The following CLSTN2 variants were observed in gnomAD, a reference collection of about 807,000 sequenced individuals.
CLSTN2 encodes calsyntenin-2.
Under a neutral mutation model 101.2 loss-of-function variants are expected in CLSTN2, and 48 were observed. The ratio of observed to expected loss-of-function variants is 0.47; its 90% CI spans 0.38 to 0.60. CLSTN2 has a LOEUF of 0.60. CLSTN2 is among the 20% of genes least tolerant of loss of function. The pLI is 0.00. For missense variants in CLSTN2, 1,160 were observed against 1,238.2 expected, an observed-to-expected ratio of 0.94 and a Z score of 0.95; for synonymous variants, 481 against 463.6, an observed-to-expected ratio of 1.04 and a Z score of -0.48.
rs545221996 is a variant in CLSTN2 at position 140,011,900 on chromosome 3, G to A, written c.109+76417G>A. Among the ~76,000 whole-genome samples, 6 of 152,124 alleles carry A rather than the reference G, an allele frequency of 3.9e-5. No homozygotes were observed. In the East Asian group the frequency reaches 7.7e-4, roughly 20 times the overall value. On this transcript the variant is annotated intron_variant, in intron 1 of 16. Transcript: ENST00000458420. ...GAAAGGACCCCAGATCTGGGGTGCC[G>A]AATGGTCCTAGTCAGGAAATTGAGA... is the stretch of plus-strand genomic sequence containing the variant.
intron 2 of CLSTN2, among the ~76,000 whole-genome samples, chr3:140,229,033 A>C (rs1405218692): frequency 6.6e-6 from 1 of 152,144 alleles, no homozygotes; most frequent in African/African-American, 2.4e-5. Flanking sequence ...TGAGGTGAGG[A>C]ATTAGAGATT....
intron 2 of CLSTN2, among the ~76,000 whole-genome samples, chr3:140,176,529 G>C (rs970905922): frequency 6.6e-6 from 1 of 152,264 alleles, no homozygotes; most frequent in Non-Finnish European, 1.5e-5. Context: ...ACAGGGTCTT[G>C]TCCTTGAGCT....
At chr3:140,506,207 A>G (rs1445598210) in intron 8 of CLSTN2, 3 of 152,174 alleles carry the variant, frequency 2.0e-5, no homozygotes, top group Non-Finnish European at 4.4e-5. Flanking sequence ...GGAAAGAAAC[A>G]TTTTGCATGA....
At chr3:140,525,324 T>A (rs1031063698) in intron 8 of CLSTN2, among the ~76,000 whole-genome samples, 6 of 152,110 alleles carry the variant, frequency 3.9e-5, no homozygotes, top group Non-Finnish European at 8.8e-5. Flanking sequence ...CCTCTCTGCA[T>A]ATAAACTAGG....
chr3:139,949,153 A>G (rs186757146), intron 1 of CLSTN2, among the ~76,000 whole-genome samples: 5 of 152,298 alleles, frequency 3.3e-5, no homozygotes, highest in Admixed American at 3.3e-4. Flanking sequence ...TGTGGCTCCC[A>G]TATAGAACTC....
chr3:139,965,119 T>A (rs138265374), intron 1 of CLSTN2, among the ~76,000 whole-genome samples: 142 of 152,328 alleles, frequency 9.3e-4, no homozygotes, highest in African/African-American at 3.2e-3. Flanking sequence ...ATGGTGTTAT[T>A]TGGTGAAGAA....
At chr3:140,311,432 A>C (rs1263990067) in intron 2 of CLSTN2, among the ~76,000 whole-genome samples, 1 of 143,624 alleles carries the variant, frequency 7.0e-6, no homozygotes, top group Non-Finnish European at 1.5e-5. Flanking sequence ...CAGCCTCCCT[A>C]GTAGCTGGGA....
At chr3:140,216,021 G>A (rs971453627) in intron 2 of CLSTN2, among the ~76,000 whole-genome samples, 1 of 152,320 alleles carries the variant, frequency 6.6e-6, no homozygotes, top group South Asian at 2.1e-4. Flanking sequence ...GCACGGGACA[G>A]CAGGAGGTGA....
intron 1 of CLSTN2, among the ~76,000 whole-genome samples, chr3:140,046,178 T>C (rs1488858795): frequency 1.3e-5 from 2 of 152,214 alleles, no homozygotes; most frequent in African/African-American, 2.4e-5. Context: ...AAGGACTTGC[T>C]TTATGAATCT....
intron 1 of CLSTN2, among the ~76,000 whole-genome samples, chr3:140,008,503 C>T (rs185260053): frequency 6.6e-6 from 1 of 152,312 alleles, no homozygotes; most frequent in African/African-American, 2.4e-5. Context: ...TTGTGCAGGG[C>T]CTGGGACGCT....
chr3:140,092,355 C>T (rs1576423943), intron 1 of CLSTN2, among the ~76,000 whole-genome samples: 1 of 152,210 alleles, frequency 6.6e-6, no homozygotes, highest in African/African-American at 2.4e-5. Flanking sequence ...GCTCTCAGTC[C>T]TGGGCACAGA....
chr3:140,131,700 TGA>T (rs2107804386), intron 1 of CLSTN2, among the ~76,000 whole-genome samples: 1 of 152,264 alleles, frequency 6.6e-6, no homozygotes, highest in South Asian at 2.1e-4. Flanking sequence ...GGCTGAATCA[TGA>T]GAGGCCTCAT....
intron 2 of CLSTN2, among the ~76,000 whole-genome samples, chr3:140,188,289 C>A (rs1398191050): frequency 2.0e-5 from 3 of 152,206 alleles, no homozygotes; most frequent in Non-Finnish European, 4.4e-5. Context: ...TGTCTGCTCC[C>A]CCTACCAAAG....
chr3:140,230,159 C>T (rs116821129), intron 2 of CLSTN2, among the ~76,000 whole-genome samples: 2,059 of 151,918 alleles, frequency 0.014, 35 homozygotes, highest in African/African-American at 0.046. Flanking sequence ...AATATCAGGC[C>T]GCAGCAAGCA....
intron 1 of CLSTN2, among the ~76,000 whole-genome samples, chr3:140,104,965 C>A (rs1053378094): frequency 5.3e-5 from 8 of 149,838 alleles, no homozygotes; most frequent in African/African-American, 2.0e-4. Context: ...GTGGCAGAAC[C>A]AAGACTTTGT....
At chr3:140,437,756 T>C (rs1264436545) in intron 5 of CLSTN2, among the ~76,000 whole-genome samples, 8 of 152,396 alleles carry the variant, frequency 5.2e-5, no homozygotes, top group Non-Finnish European at 1.2e-4. Flanking sequence ...ACTGCCATGA[T>C]ATTTTTAATG....
intron 1 of CLSTN2, among the ~76,000 whole-genome samples, chr3:139,993,297 C>A (rs1031933643): frequency 2.0e-5 from 3 of 152,148 alleles, no homozygotes; most frequent in Admixed American, 2.0e-4. Context: ...GAGGTTCTAG[C>A]ACTGGTTCCA....
chr3:140,509,720 C>T (rs905004875), intron 8 of CLSTN2, among the ~76,000 whole-genome samples: 5 of 152,168 alleles, frequency 3.3e-5, no homozygotes, highest in African/African-American at 1.2e-4. Context: ...ACAGGGAATG[C>T]ACAACCCCCA....
At chr3:140,166,158 C>T (rs1488851216) in intron 1 of CLSTN2, among the ~76,000 whole-genome samples, 1 of 152,178 alleles carries the variant, frequency 6.6e-6, no homozygotes, top group Non-Finnish European at 1.5e-5. Flanking sequence ...TCCCTATTAA[C>T]TTTTGTCTCA....
Sources: gnomAD v4.1 joint callset for allele counts (sites outside exome capture counted in the v4.1 genomes callset) on GRCh38, gnomAD v4.1.1 for gene constraint, MANE v1.5 for transcripts, NCBI Gene and HGNC (gene_info 2026-07-23, HGNC 2026-07-21) for gene names.